Variants in C18orf32 observed in about 807,000 individuals in gnomAD.
The protein encoded by C18orf32 is UPF0729 protein C18orf32.
A neutral mutation model predicts 7.4 loss-of-function variants in C18orf32; 5 were observed. The observed-to-expected ratio is 0.68, with a 90% CI of 0.35 to 1.42. The LOEUF is 1.42. Among genes scored for constraint, C18orf32 ranks in the 40% most tolerant of loss-of-function variants. C18orf32 has a pLI of 0.04. For synonymous variants in C18orf32, 30 were observed against 29.3 expected (o/e 1.02, Z -0.08); for missense variants, 88 against 92.4 (o/e 0.95, Z 0.19).
intron 2 of C18orf32, among the ~76,000 whole-genome samples, chr18:49,482,658 C>T (rs777338177): frequency 6.7e-6 from 1 of 149,782 alleles, no homozygotes; most frequent in Admixed American, 6.7e-5. Context: ...ACCTGGGAGA[C>T]GGAAGTTGTG....
chr18:49,486,067 G>A (rs1193148566), intron 1 of C18orf32: 2 of 141,564 alleles, frequency 1.4e-5, no homozygotes, highest in African/African-American at 2.7e-5. Context: ...GGCCACAGAG[G>A]CAGACCCTGT....
At position 49,483,665 on chromosome 18, in the gene C18orf32, A is replaced by T. The variant is rs752328241; in HGVS notation, c.84T>A (p.Val28=). The stretch of plus-strand genomic sequence containing the variant: ...GCCATATACGACTAACGAAGGGGGA[A>T]ACCAGAGGGTATATATATGGCTCCA... ...KFLEPYIYPL[V]SPFVSRIWPK... Residue 28 remains valine (V), a synonymous_variant, in exon 2 of 3, where the codon GTT becomes GTA. Coordinates refer to ENST00000318240, the MANE Select transcript of C18orf32 (RefSeq NM_001035005.4). 2.5e-6 allele frequency: 4 copies of T among 1,613,868 alleles called. No individual in the cohort carries two copies. The highest frequency in any genetic ancestry group is 3.4e-6 in the Non-Finnish European group (4 of 1,179,968).
Position 49,482,251 on chromosome 18 carries a change from G to A in C18orf32, c.*94C>T. ...ATCTAGACTCCTATCCTGAATTCCGGTCTCAGATAAAAAGGTCAGAGACAA... is the reference window on the plus strand; with the variant it reads ...ATCTAGACTCCTATCCTGAATTCCGATCTCAGATAAAAAGGTCAGAGACAA... On this transcript the variant is annotated 3_prime_UTR_variant, in exon 3 of 3. Coordinates refer to ENST00000318240, the MANE Select transcript of C18orf32 (RefSeq NM_001035005.4). 1 of 856,606 alleles carries A rather than the reference G, an allele frequency of 1.2e-6. No homozygotes were observed. The highest frequency in any genetic ancestry group is 2.0e-6 in the Non-Finnish European group (1 of 506,288). The allele number at this position is 856,606 out of a possible 1,614,324, so 53.1% of individuals were successfully genotyped here. A position where few individuals can be genotyped will look rare whatever the true frequency, so the allele number is the denominator to read the frequency against.
Position 49,480,763 on chromosome 18 carries a change from CCT to C in C18orf32, c.*1580_*1581del, listed in dbSNP as rs904640218. 2.0e-4 allele frequency: 30 copies of C among 152,168 alleles called. No individual in the cohort carries two copies. The highest frequency in any genetic ancestry group is 7.2e-4 in the African/African-American group (30 of 41,518). 9.4% of individuals were successfully genotyped at this position (152,168 alleles called of 1,614,324 possible). On this transcript the variant is annotated 3_prime_UTR_variant, in exon 3 of 3. Transcript: ENST00000318240. ...TCCAGCTTGAGTGACAGAGTGAGAC[CCT>C]GTCTCAAAAACATAAATAAATAAAA... is the stretch of plus-strand genomic sequence containing the variant.
At position 49,481,395 on chromosome 18, in the gene C18orf32, A is replaced by G. The variant is rs2083659813; in HGVS notation, c.*950T>C. The G allele has an allele frequency of 6.6e-6, 1 of 152,222 alleles. No homozygotes were observed. The highest frequency in any genetic ancestry group is 2.1e-4 in the South Asian group (1 of 4,830). The allele number at this position is 152,222 out of a possible 1,614,324, so 9.4% of individuals were successfully genotyped here. On this transcript the variant is annotated 3_prime_UTR_variant, in exon 3 of 3. Coordinates refer to ENST00000318240, the MANE Select transcript of C18orf32 (RefSeq NM_001035005.4). ...TATAGGTCCCTACACTGAATTTTCA[A>G]AGCCCAAGATAAAAATCACATAGCG... is the stretch of plus-strand genomic sequence containing the variant.
Position 49,478,712 on chromosome 18 carries a change from T to C in C18orf32, c.*3633A>G, listed in dbSNP as rs994814573. The C allele has an allele frequency of 6.6e-6, 1 of 150,460 alleles. No individual in the cohort carries two copies. Among genetic ancestry groups the C allele is most frequent in the Non-Finnish European group, 1.5e-5 (1 of 68,046 alleles). The allele number at this position is 150,460 out of a possible 1,614,324, so 9.3% of individuals were successfully genotyped here. ...CCCTGACCTTTACACAGACAGATGT[T>C]GATATTTTAGGGCAAAGAAACATTT... On this transcript the variant is annotated 3_prime_UTR_variant, in exon 3 of 3. Transcript: ENST00000318240.
At chr18:49,486,208 C>T (rs1029878768) in intron 1 of C18orf32, 1 of 152,016 alleles carries the variant, frequency 6.6e-6, no homozygotes, top group Admixed American at 6.6e-5. Context: ...TTGCCTTTTC[C>T]TCTTCCAAAA....
At chr18:49,485,871 C>G (rs1229392816) in intron 1 of C18orf32, 2 of 152,084 alleles carry the variant, frequency 1.3e-5, no homozygotes, top group Non-Finnish European at 2.9e-5. Context: ...ATCCTCCCGC[C>G]TAGGCCTCCC....
rs529385080 is a variant in C18orf32, at chr18:49,480,445, T to A, written c.*1900A>T. The A allele has an allele frequency of 2.0e-5, 3 of 152,120 alleles. No individual in the cohort carries two copies. Among genetic ancestry groups the A allele is most frequent in the Admixed American group, 2.0e-4 (3 of 15,262 alleles). 9.4% of individuals were successfully genotyped at this position (152,120 alleles called of 1,614,324 possible). On this transcript the variant is annotated 3_prime_UTR_variant, in exon 3 of 3. Coordinates refer to ENST00000318240, the MANE Select transcript of C18orf32 (RefSeq NM_001035005.4). ...AAAGAAGTAGGGACAATTAGAAACGTTGCAATATTACTTAATTTTTAAAAG... is the reference window on the plus strand; with the variant it reads ...AAAGAAGTAGGGACAATTAGAAACGATGCAATATTACTTAATTTTTAAAAG...
chr18:49,483,551 C>G, intron 2 of C18orf32, 33 bp downstream of exon 2: 1 of 1,548,500 alleles, frequency 6.5e-7, no homozygotes, highest in South Asian at 1.2e-5. Context: ...CCCCCTTTCA[C>G]TGCTCTTATT....
intron 1 of C18orf32, among the ~76,000 whole-genome samples, chr18:49,484,262 A>C (rs539848423): frequency 1.3e-5 from 2 of 152,086 alleles, no homozygotes; most frequent in Admixed American, 1.3e-4. Flanking sequence ...TTGCTAAAAA[A>C]AAAAGACTTT....
At chr18:49,484,201 C>CAAACAT (rs56983810) in intron 1 of C18orf32, among the ~76,000 whole-genome samples, 2 of 117,838 alleles carry the variant, frequency 1.7e-5, no homozygotes, top group Non-Finnish European at 3.3e-5. Flanking sequence ...CACACACACA[C>CAAACAT]GAAAGGACTA....
intron 1 of C18orf32, chr18:49,486,398 T>C (rs555373367): frequency 1.3e-5 from 2 of 152,316 alleles, no homozygotes; most frequent in African/African-American, 4.8e-5. Context: ...ACGATGTACA[T>C]AAACTCTCGA....
intron 1 of C18orf32, among the ~76,000 whole-genome samples, chr18:49,484,250 A>G (rs2083709583): frequency 6.6e-6 from 1 of 151,352 alleles, no homozygotes; most frequent in African/African-American, 2.4e-5. Flanking sequence ...ATACTATTAT[A>G]TTTGCTAAAA....
At chr18:49,486,739 C>T (rs1024464338) in intron 1 of C18orf32, 1 of 152,122 alleles carries the variant, frequency 6.6e-6, no homozygotes, top group Non-Finnish European at 1.5e-5. Context: ...GAAGGCATAA[C>T]AGGGAAAGTC....
intron 2 of C18orf32, among the ~76,000 whole-genome samples, chr18:49,482,694 T>C (rs1034200016): frequency 1.0e-4 from 15 of 148,220 alleles, no homozygotes; most frequent in South Asian, 2.1e-4. Flanking sequence ...GCCACTGCAC[T>C]CTAGCCTGGT....
chr18:49,483,660 G>T lies in C18orf32; in HGVS notation c.89C>A (p.Pro30His). 6.2e-7 allele frequency: 1 copy of T among 1,613,800 alleles called. No homozygotes were observed. The highest frequency in any genetic ancestry group is 8.5e-7 in the Non-Finnish European group (1 of 1,179,964). ...LEPYIYPLVS[P>H]FVSRIWPKKA... ...CTTAGGCCATATACGACTAACGAAG[G>T]GGGAAACCAGAGGGTATATATATGG... The change falls in exon 2 of 3, where the codon CCC (proline) becomes CAC (histidine). Residue 30 changes from proline to histidine, a missense_variant. Coordinates refer to ENST00000318240, the MANE Select transcript of C18orf32 (RefSeq NM_001035005.4).
rs1053787957 is a variant in C18orf32 at position 49,479,538 on chromosome 18, A to T, written c.*2807T>A. 8.5e-5 allele frequency: 13 copies of T among 152,852 alleles called. No individual in the cohort carries two copies. Among genetic ancestry groups the T allele is most frequent in the African/African-American group, 3.1e-4 (13 of 41,600 alleles). The allele number at this position is 152,852 out of a possible 1,614,324, so 9.5% of individuals were successfully genotyped here. ...CACTCTTGAGAGGAAGCAGTAGCCC[A>T]GAGCCAGTAACAGAAATACCACCAC... On this transcript the variant is annotated 3_prime_UTR_variant, in exon 3 of 3. Coordinates refer to ENST00000318240, the MANE Select transcript of C18orf32 (RefSeq NM_001035005.4).
At position 49,483,695 on chromosome 18, in the gene C18orf32, T is replaced by A; in HGVS notation, c.54A>T (p.Lys18Asn). 6.2e-7 allele frequency: 1 copy of A among 1,613,740 alleles called. No homozygotes were observed. Among genetic ancestry groups the A allele is most frequent in the Non-Finnish European group, 8.5e-7 (1 of 1,179,944 alleles). The change falls in exon 2 of 3, where the codon AAA becomes AAT. Residue 18 changes from lysine to asparagine, a missense_variant. Physicochemically the swap from Lys to Asn is moderately conservative, Grantham distance 94 (BLOSUM62 0). Coordinates refer to ENST00000318240, the MANE Select transcript of C18orf32 (RefSeq NM_001035005.4). ...GAGGGTATATATATGGCTCCAGGAA[T>A]TTTTTGTAGATCCAGAGCAGAACTG... Reference protein sequence around the residue: ...VIPVLLWIYKKFLEPYIYPLV... With the variant: ...VIPVLLWIYKNFLEPYIYPLV...
Sources: allele counts gnomAD v4.1 joint callset (sites outside exome capture counted in the v4.1 genomes callset), GRCh38; gene constraint gnomAD v4.1.1; transcripts MANE v1.5; gene names NCBI Gene and HGNC (gene_info 2026-07-23, HGNC 2026-07-21).